Variants in RB1 observed in about 807,000 individuals in gnomAD.
RB1 encodes retinoblastoma-associated protein.
A neutral mutation model predicts 135.4 loss-of-function variants in RB1; 18 were observed. The ratio of observed to expected loss-of-function variants is 0.13; its 90% confidence interval spans 0.09 to 0.20. RB1 has a LOEUF of 0.20. Among genes scored for constraint, RB1 ranks in the 10% least tolerant of loss-of-function variants. The pLI, the probability that RB1 is intolerant of heterozygous loss-of-function variation, is 1.00. For missense variants in RB1, 868 were observed against 1,110.0 expected (o/e 0.78, Z 3.10); for synonymous variants, 365 against 373.2 (o/e 0.98, Z 0.25).
Position 48,409,570 on chromosome 13 carries a change from A to ATTTT in RB1, c.1695+28153_1695+28156dup, listed in dbSNP as rs5803435. ...TTAGTTAACTTTGGAGAACTGCTTGATTTTTTTTTTTTTTTTTTTTTTTTT... is the reference window on the plus strand; with the variant it reads ...TTAGTTAACTTTGGAGAACTGCTTGATTTTTTTTTTTTTTTTTTTTTTTTTTTTT... On this transcript the variant is annotated intron_variant, in intron 17 of 26. Transcript: ENST00000267163. 3.0e-4 allele frequency among the ~76,000 whole-genome samples: 18 copies of ATTTT among 59,696 alleles called. 1 individual carries two copies. Among genetic ancestry groups the ATTTT allele is most frequent in the African/African-American group, 1.2e-3 (18 of 15,366 alleles). 39.2% of individuals were successfully genotyped at this position (59,696 alleles called of 152,430 possible).
intron 17 of RB1, among the ~76,000 whole-genome samples, chr13:48,448,065 G>A (rs1458151500): frequency 6.6e-6 from 1 of 152,196 alleles, no homozygotes; most frequent in Admixed American, 6.5e-5. Flanking sequence ...AGAAAAATTG[G>A]TAGTAGGCCA....
At chr13:48,381,750 G>T (rs772757621) in intron 17 of RB1, among the ~76,000 whole-genome samples, 3 of 152,052 alleles carry the variant, frequency 2.0e-5, no homozygotes, top group African/African-American at 7.2e-5. Flanking sequence ...CAACGTGCAG[G>T]TTTGTTACAT....
chr13:48,462,064 C>G (rs868383862), intron 20 of RB1, among the ~76,000 whole-genome samples: 2 of 152,124 alleles, frequency 1.3e-5, no homozygotes, highest in Non-Finnish European at 2.9e-5. Context: ...AACTCCTGAC[C>G]TTGTGTTCCA....
rs183906636 is a variant in RB1, at chr13:48,388,010, C to T, written c.1695+6567C>T. On this transcript the variant is annotated intron_variant, in intron 17 of 26. Transcript: ENST00000267163. ...GACCAGATTTTAAGGTCCATTTTGC[C>T]TTTCCTGATCATCCTAGTCTATAGT... is the stretch of plus-strand genomic sequence containing the variant. Among the ~76,000 whole-genome samples the T allele has an allele frequency of 5.8e-4, 88 of 152,296 alleles. 1 individual carries two copies. The highest frequency in any genetic ancestry group is 1.3e-4 in the Non-Finnish European group (9 of 68,026).
intron 6 of RB1, among the ~76,000 whole-genome samples, chr13:48,358,032 T>G (rs928133891): frequency 4.6e-5 from 7 of 152,132 alleles, no homozygotes; most frequent in Non-Finnish European, 7.4e-5. Flanking sequence ...CAATGGGTTC[T>G]TCCTGCTGGC....
intron 17 of RB1, among the ~76,000 whole-genome samples, chr13:48,400,286 C>T (rs1948680638): frequency 6.6e-6 from 1 of 152,078 alleles, no homozygotes; most frequent in African/African-American, 2.4e-5. Flanking sequence ...CTCATAACTT[C>T]TCACAACTCT....
chr13:48,392,262 C>T (rs1948616664), intron 17 of RB1, among the ~76,000 whole-genome samples: 1 of 152,082 alleles, frequency 6.6e-6, no homozygotes, highest in Non-Finnish European at 1.5e-5. Flanking sequence ...AGGCACATGC[C>T]ACCATGCCCG....
At chr13:48,435,483 A>G (rs1949174126) in intron 17 of RB1, among the ~76,000 whole-genome samples, 1 of 152,012 alleles carries the variant, frequency 6.6e-6, no homozygotes, top group African/African-American at 2.4e-5. Context: ...TTTGTTAGAT[A>G]TGTGGTTAGC....
At chr13:48,321,735 A>G (rs757490889) in intron 2 of RB1, among the ~76,000 whole-genome samples, 2 of 152,086 alleles carry the variant, frequency 1.3e-5, no homozygotes, top group Non-Finnish European at 2.9e-5. Context: ...ATGCGCCTGT[A>G]ATCCCAGCTA....
intron 9 of RB1, among the ~76,000 whole-genome samples, chr13:48,365,281 A>C (rs945872271): frequency 6.6e-6 from 1 of 152,212 alleles, no homozygotes; most frequent in African/African-American, 2.4e-5. Context: ...TTAATAGCTA[A>C]ATATAAACCA....
chr13:48,317,541 G>A (rs1012240055), intron 2 of RB1: 2 of 433,114 alleles, frequency 4.6e-6, no homozygotes, highest in Non-Finnish European at 8.4e-6. Flanking sequence ...TGCCCGCTGT[G>A]GCACTGCTGG....
At chr13:48,322,411 G>T (rs550923442) in intron 2 of RB1, among the ~76,000 whole-genome samples, 14 of 152,256 alleles carry the variant, frequency 9.2e-5, no homozygotes, top group African/African-American at 3.1e-4. Context: ...TAATTTATTA[G>T]CTTCAATAGT....
chr13:48,307,760 A>G (rs1952096111), intron 2 of RB1, among the ~76,000 whole-genome samples: 1 of 151,122 alleles, frequency 6.6e-6, no homozygotes, highest in Non-Finnish European at 1.5e-5. Flanking sequence ...CTATTTGGGA[A>G]GCTGAGGCAG....
At chr13:48,472,167 T>A (rs1949474926) in intron 23 of RB1, among the ~76,000 whole-genome samples, 1 of 152,218 alleles carries the variant, frequency 6.6e-6, no homozygotes, top group Non-Finnish European at 1.5e-5. Flanking sequence ...TGTAGTCTCA[T>A]CTCAGAAATT....
rs140544121 is a variant in RB1, at chr13:48,335,181, A to C, written c.265-7418A>C. Among the ~76,000 whole-genome samples the C allele has an allele frequency of 1.4e-4, 22 of 151,992 alleles. No individual in the cohort carries two copies. The East Asian group carries it at 3.7e-3, about 25-fold the overall frequency. On this transcript the variant is annotated intron_variant, in intron 2 of 26. Transcript: ENST00000267163. ...TATTCTGTTTTTTTCTTAACGTTAT[A>C]TGTTGGGTATTTTTACATATCCCTT...
chr13:48,307,804 A>G (rs1288405619), intron 2 of RB1, among the ~76,000 whole-genome samples: 1 of 151,520 alleles, frequency 6.6e-6, no homozygotes, highest in African/African-American at 2.4e-5. Context: ...TGGAGGTTAC[A>G]GTGAGCCGAG....
At chr13:48,477,443 A>G (rs375688724) in intron 26 of RB1, 39 bp downstream of exon 26, 88 of 1,494,756 alleles carry the variant, frequency 5.9e-5, no homozygotes, top group Admixed American at 1.7e-4. Context: ...GAAATAAACA[A>G]TTGTTTACAC....
At chr13:48,420,516 A>G (rs1948989081) in intron 17 of RB1, among the ~76,000 whole-genome samples, 1 of 152,194 alleles carries the variant, frequency 6.6e-6, no homozygotes, top group Non-Finnish European at 1.5e-5. Flanking sequence ...TATTCAACAT[A>G]GTATTGGAAG....
chr13:48,383,953 A>G (rs1948554928), intron 17 of RB1, among the ~76,000 whole-genome samples: 1 of 152,126 alleles, frequency 6.6e-6, no homozygotes, highest in African/African-American at 2.4e-5. Context: ...CATACGCCAT[A>G]TGCCTTGAAT....
Sources: allele counts gnomAD v4.1 joint callset (sites outside exome capture counted in the v4.1 genomes callset), GRCh38; gene constraint gnomAD v4.1.1; transcripts MANE v1.5; gene names NCBI Gene and HGNC (gene_info 2026-07-23, HGNC 2026-07-21).